SKAP1: variants seen among roughly 807,000 people sequenced by gnomAD.
SKAP1 encodes the protein src kinase associated phosphoprotein 1, also known as src kinase-associated phosphoprotein 1.
Under a neutral mutation model 58.5 loss-of-function variants are expected in SKAP1, and 44 were observed. The observed-to-expected ratio is 0.75, with a 90% CI of 0.59 to 0.97. The LOEUF (loss-of-function observed/expected upper bound fraction) is 0.97, where lower values mean the gene tolerates loss of function less well. Among genes scored for constraint, SKAP1 ranks in the 50% least tolerant of loss-of-function variants. SKAP1 has a pLI of 0.00. For missense variants in SKAP1, 390 were observed against 435.2 expected (o/e 0.90, Z 0.92); for synonymous variants, 127 against 149.7 (o/e 0.85, Z 1.11).
intron 4 of SKAP1, among the ~76,000 whole-genome samples, chr17:48,279,548 C>T (rs910027568): frequency 1.3e-5 from 2 of 152,090 alleles, no homozygotes; most frequent in African/African-American, 4.8e-5. Context: ...GTAATGTGAC[C>T]TGTGTCCAAA....
intron 2 of SKAP1, among the ~76,000 whole-genome samples, chr17:48,368,412 G>C (rs987193776): frequency 6.6e-6 from 1 of 152,136 alleles, no homozygotes; most frequent in Non-Finnish European, 1.5e-5. Context: ...TCTGAGACTA[G>C]AAATTTTAAA....
intron 4 of SKAP1, among the ~76,000 whole-genome samples, chr17:48,226,778 A>G (rs2065073672): frequency 6.6e-6 from 1 of 152,170 alleles, no homozygotes; most frequent in Non-Finnish European, 1.5e-5. Flanking sequence ...ATCTTGAAAA[A>G]TTCCATACAG....
chr17:48,413,066 A>G (rs958488638), intron 1 of SKAP1, among the ~76,000 whole-genome samples: 15 of 151,824 alleles, frequency 9.9e-5, no homozygotes, highest in African/African-American at 3.6e-4. Flanking sequence ...ACCAAAAAAA[A>G]AAACCATAAA....
At chr17:48,178,090 G>A (rs1306414927) in intron 9 of SKAP1, among the ~76,000 whole-genome samples, 2 of 152,114 alleles carry the variant, frequency 1.3e-5, no homozygotes, top group Admixed American at 6.5e-5. Context: ...ATTGGCCAAG[G>A]GGAGGAGTTT....
intron 2 of SKAP1, chr17:48,380,103 C>T (rs763891580): frequency 7.9e-5 from 12 of 152,200 alleles, no homozygotes; most frequent in Non-Finnish European, 1.6e-4. Flanking sequence ...GACTACGTGA[C>T]CAGCTCTGTG....
At chr17:48,417,974 AT>A (rs1298741923) in intron 1 of SKAP1, among the ~76,000 whole-genome samples, 7 of 152,006 alleles carry the variant, frequency 4.6e-5, no homozygotes, top group Non-Finnish European at 1.0e-4. Flanking sequence ...CAACACTGCT[AT>A]GGTAAAAAAA....
intron 4 of SKAP1, among the ~76,000 whole-genome samples, chr17:48,291,070 G>A (rs2065891944): frequency 6.6e-6 from 1 of 152,134 alleles, no homozygotes; most frequent in Non-Finnish European, 1.5e-5. Context: ...AATGAGTTAT[G>A]ATGGCACCAC....
rs1414329799 is a variant in SKAP1 at position 48,346,023 on chromosome 17, A to G, written c.179-17T>C. ...TGTCTCCCCCTGAGGGACAAAAAAG[A>G]CAGAAAATAAGGTTAATCTTTGGGC... On this transcript the variant is annotated splice_polypyrimidine_tract_variant and intron_variant, in intron 3 of 12. Coordinates refer to ENST00000336915, the MANE Select transcript of SKAP1 (RefSeq NM_003726.4). 2.0e-6 allele frequency: 3 copies of G among 1,509,266 alleles called. No individual in the cohort carries two copies. Among genetic ancestry groups the G allele is most frequent in the Admixed American group, 1.8e-5 (1 of 54,378 alleles). The allele number at this position is 1,509,266 out of a possible 1,614,324, so 93.5% of individuals were successfully genotyped here.
intron 4 of SKAP1, among the ~76,000 whole-genome samples, chr17:48,208,614 A>G (rs1048580917): frequency 5.3e-5 from 8 of 152,198 alleles, no homozygotes; most frequent in African/African-American, 1.9e-4. Flanking sequence ...GAAAGAAAAT[A>G]AACAATTAGG....
chr17:48,398,844 AC>A (rs2067456331), intron 1 of SKAP1, among the ~76,000 whole-genome samples: 1 of 151,482 alleles, frequency 6.6e-6, no homozygotes, highest in Non-Finnish European at 1.5e-5. Flanking sequence ...ACATGGTGAA[AC>A]CCCCCGTCTC....
intron 4 of SKAP1, 22 bp from the exon 5 acceptor site, chr17:48,189,522 T>C (rs896860222): frequency 6.3e-7 from 1 of 1,594,006 alleles, no homozygotes; most frequent in Non-Finnish European, 8.6e-7. Flanking sequence ...AATGGCAAAA[T>C]GCTTTATTGA....
At chr17:48,439,819 A>G in the SKAP1 span, among the ~76,000 whole-genome samples, 1 of 152,182 alleles carries the variant, frequency 6.6e-6, no homozygotes, top group Non-Finnish European at 1.5e-5. Flanking sequence ...TGCACTAAAC[A>G]TGAGGGCCTG....
chr17:48,407,247 C>T (rs1028335827), intron 1 of SKAP1, among the ~76,000 whole-genome samples: 5 of 152,018 alleles, frequency 3.3e-5, no homozygotes, highest in African/African-American at 1.2e-4. Context: ...TAAGAAAGAA[C>T]ATAAGTAAAT....
intron 12 of SKAP1, among the ~76,000 whole-genome samples, chr17:48,135,900 T>C (rs1032673549): frequency 2.6e-5 from 4 of 152,190 alleles, no homozygotes; most frequent in African/African-American, 9.6e-5. Context: ...TTGCAATATG[T>C]GGGGATTTTG....
chr17:48,179,502 A>C (rs1598400617), intron 9 of SKAP1, among the ~76,000 whole-genome samples: 1 of 152,212 alleles, frequency 6.6e-6, no homozygotes, highest in East Asian at 1.9e-4. Flanking sequence ...CAGATAAAAC[A>C]TGTTAGGGTT....
At chr17:48,426,682 G>C (rs1001844076) in intron 1 of SKAP1, among the ~76,000 whole-genome samples, 1 of 152,138 alleles carries the variant, frequency 6.6e-6, no homozygotes, top group African/African-American at 2.4e-5. Flanking sequence ...CAATAAAGCA[G>C]AAAGCACCCT....
chr17:48,147,646 T>G (rs1006220061), intron 11 of SKAP1, among the ~76,000 whole-genome samples: 5 of 152,074 alleles, frequency 3.3e-5, no homozygotes, highest in African/African-American at 1.2e-4. Context: ...GGGTGGCCGG[T>G]GGGTTAGTGA....
rs376278484 is a variant in SKAP1 at position 48,405,392 on chromosome 17, C to CCTTTCTTT, written c.47-8615_47-8608dup. On this transcript the variant is annotated intron_variant, in intron 1 of 12. Coordinates refer to ENST00000336915, the MANE Select transcript of SKAP1 (RefSeq NM_003726.4). ...GGGTGCATTTTCTTTTTTTCTCTTT[C>CCTTTCTTT]CTTTCTTTCTTTCTTTCTTTCTTTC... Among the ~76,000 whole-genome samples the CCTTTCTTT allele has an allele frequency of 1.0e-2, 1,073 of 107,308 alleles. 108 individuals carry two copies. Among genetic ancestry groups the CCTTTCTTT allele is most frequent in the Middle Eastern group, 0.025 (6 of 236 alleles). The allele number at this position is 107,308 out of a possible 152,430, so 70.4% of individuals were successfully genotyped here.
At chr17:48,175,624 T>C (rs1179591392) in intron 9 of SKAP1, among the ~76,000 whole-genome samples, 1 of 152,260 alleles carries the variant, frequency 6.6e-6, no homozygotes, top group Non-Finnish European at 1.5e-5. Context: ...TGGAATGCAC[T>C]GAATTTAACT....
Sources: gnomAD v4.1 joint callset for allele counts (sites outside exome capture counted in the v4.1 genomes callset) on GRCh38, gnomAD v4.1.1 for gene constraint, MANE v1.5 for transcripts, NCBI Gene and HGNC (gene_info 2026-07-23, HGNC 2026-07-21) for gene names.